Variants in AGBL4 observed in about 807,000 individuals in gnomAD.
AGBL4 encodes AGBL carboxypeptidase 4.
Under a neutral mutation model 66.4 loss-of-function variants are expected in AGBL4, and 58 were observed. The observed-to-expected ratio is 0.87, with a 90% CI of 0.71 to 1.09. The LOEUF (loss-of-function observed/expected upper bound fraction) is 1.09, where lower values mean the gene tolerates loss of function less well. Ranked by LOEUF, AGBL4 falls within the 50% of genes least tolerant of loss-of-function variation. The probability of loss-of-function intolerance (pLI) is 0.00; values close to 1 mark genes in which losing one functional copy is unlikely to be tolerated. For missense variants in AGBL4, 579 were observed against 631.0 expected (o/e 0.92, Z 0.88); for synonymous variants, 234 against 222.9 (o/e 1.05, Z -0.44).
chr1:48,566,524 T>A (rs1644478254), intron 11 of AGBL4, among the ~76,000 whole-genome samples: 1 of 152,234 alleles, frequency 6.6e-6, no homozygotes, highest in Admixed American at 6.5e-5. Flanking sequence ...GCTCTACCAC[T>A]GTGATGGTTA....
At chr1:48,997,616 A>T (rs1456109188) in intron 5 of AGBL4, among the ~76,000 whole-genome samples, 1 of 152,176 alleles carries the variant, frequency 6.6e-6, no homozygotes, top group Admixed American at 6.5e-5. Context: ...GAGCTCTATA[A>T]ATACAAAGTC....
chr1:49,857,863 T>C (rs1399579985), intron 1 of AGBL4, among the ~76,000 whole-genome samples: 3 of 152,044 alleles, frequency 2.0e-5, no homozygotes, highest in Non-Finnish European at 4.4e-5. Context: ...AATAGACCAA[T>C]GGGACTAATT....
chr1:49,336,519 T>C (rs1645440091), intron 3 of AGBL4, among the ~76,000 whole-genome samples: 1 of 152,230 alleles, frequency 6.6e-6, no homozygotes. Flanking sequence ...ATAAAATGAA[T>C]CATCACAAGG....
intron 3 of AGBL4, among the ~76,000 whole-genome samples, chr1:49,553,366 C>G (rs1225682952): frequency 6.6e-6 from 1 of 152,210 alleles, no homozygotes; most frequent in Middle Eastern, 3.2e-3. Context: ...ACCAGGACTT[C>G]TCATGGTGGA....
At chr1:50,013,494 T>C (rs973952674) in intron 1 of AGBL4, among the ~76,000 whole-genome samples, 3 of 152,186 alleles carry the variant, frequency 2.0e-5, no homozygotes, top group African/African-American at 7.2e-5. Context: ...AAACCTAAAC[T>C]GAGATAAAAG....
chr1:48,677,598 A>C (rs1646386501), intron 6 of AGBL4, among the ~76,000 whole-genome samples: 1 of 152,240 alleles, frequency 6.6e-6, no homozygotes, highest in Non-Finnish European at 1.5e-5. Context: ...GGCAGGTTAA[A>C]GAGCTGTGCC....
chr1:48,942,319 G>GA (rs1438334405), intron 5 of AGBL4, among the ~76,000 whole-genome samples: 1 of 151,874 alleles, frequency 6.6e-6, no homozygotes, highest in Non-Finnish European at 1.5e-5. Context: ...GTGGGGGGGG[G>GA]GGGTTGTGGT....
At chr1:49,942,631 T>A (rs1164971974) in intron 1 of AGBL4, among the ~76,000 whole-genome samples, 1 of 152,120 alleles carries the variant, frequency 6.6e-6, no homozygotes, top group African/African-American at 2.4e-5. Flanking sequence ...TCTATCCACA[T>A]GCAAAAGAAT....
At chr1:49,021,343 C>T (rs1418943455) in intron 5 of AGBL4, among the ~76,000 whole-genome samples, 1 of 152,158 alleles carries the variant, frequency 6.6e-6, no homozygotes, top group Non-Finnish European at 1.5e-5. Flanking sequence ...TCATGGTGTG[C>T]TATGGTCTGA....
intron 2 of AGBL4, among the ~76,000 whole-genome samples, chr1:49,739,021 G>A (rs1650162202): frequency 6.6e-6 from 1 of 152,232 alleles, no homozygotes; most frequent in Admixed American, 6.5e-5. Context: ...AAGGAACGCA[G>A]TTCCTCACCA....
intron 3 of AGBL4, among the ~76,000 whole-genome samples, chr1:49,349,513 C>T (rs979856911): frequency 2.0e-5 from 3 of 152,174 alleles, no homozygotes; most frequent in Admixed American, 6.5e-5. Flanking sequence ...TTCTCAAGTG[C>T]CCCCTCCCTG....
At position 49,290,361 on chromosome 1, in the gene AGBL4, T is replaced by G. The variant is rs115855754; in HGVS notation, c.283-44497A>C. On this transcript the variant is annotated intron_variant, in intron 3 of 13. Coordinates refer to ENST00000371839, the MANE Select transcript of AGBL4 (RefSeq NM_032785.4). ...ATCTGAGGACAAGTTCTTCTCATTT[T>G]AGATGACAGGAGACCAAACAAAATC... 2.4e-3 allele frequency among the ~76,000 whole-genome samples: 360 copies of G among 152,350 alleles called. 2 individuals carry two copies. The highest frequency in any genetic ancestry group is 8.0e-3 in the African/African-American group (334 of 41,588).
At chr1:49,793,794 T>C (rs898164400) in intron 2 of AGBL4, among the ~76,000 whole-genome samples, 1 of 151,874 alleles carries the variant, frequency 6.6e-6, no homozygotes, top group Non-Finnish European at 1.5e-5. Context: ...GAAAAGAGAC[T>C]AGAACTGTGA....
At chr1:48,657,724 C>T (rs1646042791) in intron 7 of AGBL4, among the ~76,000 whole-genome samples, 1 of 152,184 alleles carries the variant, frequency 6.6e-6, no homozygotes, top group Non-Finnish European at 1.5e-5. Flanking sequence ...CCGAGAGCAT[C>T]AGAACTCTTT....
intron 3 of AGBL4, among the ~76,000 whole-genome samples, chr1:49,443,239 A>T (rs1179810813): frequency 6.6e-6 from 1 of 151,960 alleles, no homozygotes; most frequent in East Asian, 1.9e-4. Flanking sequence ...TCAATCTGTT[A>T]TTTCTTTTGT....
At chr1:48,855,508 G>C (rs1647127125) in intron 6 of AGBL4, among the ~76,000 whole-genome samples, 1 of 152,202 alleles carries the variant, frequency 6.6e-6, no homozygotes, top group South Asian at 2.1e-4. Context: ...CTGAGAGATG[G>C]AGTTTTTTGG....
At chr1:48,550,309 T>G (rs1339864374) in intron 11 of AGBL4, among the ~76,000 whole-genome samples, 1 of 151,582 alleles carries the variant, frequency 6.6e-6, no homozygotes, top group Non-Finnish European at 1.5e-5. Flanking sequence ...AGGCCTGCAT[T>G]CCCTCCACAG....
chr1:49,083,729 T>C (rs1439922205), intron 4 of AGBL4, among the ~76,000 whole-genome samples: 1 of 152,206 alleles, frequency 6.6e-6, no homozygotes, highest in Non-Finnish European at 1.5e-5. Flanking sequence ...CCTCAGAAAA[T>C]TGGTTTTTCT....
intron 9 of AGBL4, among the ~76,000 whole-genome samples, chr1:48,627,640 G>A (rs1007205162): frequency 5.9e-5 from 9 of 151,958 alleles, no homozygotes; most frequent in South Asian, 2.1e-4. Flanking sequence ...ACTGCTCTGC[G>A]TTGTTATGGC....
Sources: gnomAD v4.1 joint callset for allele counts (sites outside exome capture counted in the v4.1 genomes callset) on GRCh38, gnomAD v4.1.1 for gene constraint, MANE v1.5 for transcripts, NCBI Gene and HGNC (gene_info 2026-07-23, HGNC 2026-07-21) for gene names.